The following SCP2 variants were observed in gnomAD, a reference collection of about 807,000 sequenced individuals.
SCP2 encodes sterol carrier protein 2, also known as SCP-2/3-oxoacyl-CoA thiolase.
In SCP2, 48 loss-of-function variants were observed where a neutral mutation model predicts 71.4. The ratio of observed to expected loss-of-function variants is 0.67; its 90% CI spans 0.53 to 0.86. The LOEUF (loss-of-function observed/expected upper bound fraction) is 0.86, where lower values mean the gene tolerates loss of function less well. SCP2 is among the 40% of genes least tolerant of loss of function. SCP2 has a pLI of 0.00. For missense variants in SCP2, 560 were observed against 655.6 expected, an observed-to-expected ratio of 0.85 and a Z score of 1.59; for synonymous variants, 220 against 218.1, an observed-to-expected ratio of 1.01 and a Z score of -0.08.
chr1:52,937,246 A>T (rs1306212401), intron 1 of SCP2, among the ~76,000 whole-genome samples: 1 of 152,238 alleles, frequency 6.6e-6, no homozygotes, highest in Non-Finnish European at 1.5e-5. Flanking sequence ...AACAAGAAAT[A>T]TCTGAAAGAA....
rs79253771 is a variant in SCP2, at chr1:53,035,675, A to G, written c.1339-3242A>G. On this transcript the variant is annotated intron_variant, in intron 13 of 15. Coordinates refer to ENST00000371514, the MANE Select transcript of SCP2 (RefSeq NM_002979.5). ...GATTTGCTGTGTCAGAGTAAAGTGT[A>G]TTATAAAGCTATAATATTGGCACAG... Among the ~76,000 whole-genome samples the G allele has an allele frequency of 3.8e-3, 584 of 152,196 alleles. 4 individuals are homozygous for G. The highest frequency in any genetic ancestry group is 0.014 in the African/African-American group (561 of 41,486).
chr1:52,941,928 G>A, intron 2 of SCP2, 75 bp downstream of exon 2: 1 of 1,079,236 alleles, frequency 9.3e-7, no homozygotes, highest in Non-Finnish European at 1.4e-6. Flanking sequence ...GGATGGGGCA[G>A]CCTTGCAAGC....
At position 52,993,509 on chromosome 1, in the gene SCP2, A is replaced by C. The variant is rs17107531; in HGVS notation, c.1081+5373A>C. 4,833 of 1,612,690 alleles carry C rather than the reference A, an allele frequency of 3.0e-3. 126 individuals carry two copies. The African/African-American group carries it at 0.055, about 18-fold the overall frequency. On this transcript the variant is annotated intron_variant, in intron 11 of 15. Coordinates refer to ENST00000371514, the MANE Select transcript of SCP2 (RefSeq NM_002979.5). ...TCTTTGAAACTTATAGATTTCTTCAAAACTGCCTCTATCTGTGACTGAAAA... is the reference window on the plus strand; with the variant it reads ...TCTTTGAAACTTATAGATTTCTTCACAACTGCCTCTATCTGTGACTGAAAA...
At chr1:52,998,561 T>G (rs190226164) in intron 11 of SCP2, among the ~76,000 whole-genome samples, 125 of 152,234 alleles carry the variant, frequency 8.2e-4, no homozygotes, top group African/African-American at 2.9e-3. Flanking sequence ...TGAAACCCCA[T>G]CTCTACAAAA....
intron 1 of SCP2, among the ~76,000 whole-genome samples, chr1:52,936,175 T>C (rs1653726633): frequency 1.3e-5 from 2 of 152,250 alleles, no homozygotes; most frequent in South Asian, 4.1e-4. Context: ...TTCATAGAAA[T>C]TATTTATGTT....
chr1:53,030,908 TA>T (rs59298380), intron 13 of SCP2, among the ~76,000 whole-genome samples: 21,384 of 75,930 alleles, frequency 0.28, 3,264 homozygotes, highest in African/African-American at 0.5. Context: ...TCAAAAAAAT[TA>T]AAAAAAAAAA....
chr1:52,954,602 G>T lies in SCP2; in HGVS notation c.332-138G>T. ...TGACCTCAAGCAGTTTATCTGCTTT[G>T]ATCTCCCAAACTGATGGGACTATAA... On this transcript the variant is annotated intron_variant, in intron 4 of 15. Coordinates refer to ENST00000371514, the MANE Select transcript of SCP2 (RefSeq NM_002979.5). 3 of 753,360 alleles carry T rather than the reference G, an allele frequency of 4.0e-6. No individual in the cohort carries two copies. In the Admixed American group the frequency reaches 5.8e-5, roughly 15 times the overall value. The allele number at this position is 753,360 out of a possible 1,614,324, so 46.7% of individuals were successfully genotyped here. A position where few individuals can be genotyped will look rare whatever the true frequency, so the allele number is the denominator to read the frequency against.
At chr1:52,969,146 T>A (rs977953384) in intron 6 of SCP2, among the ~76,000 whole-genome samples, 1 of 151,246 alleles carries the variant, frequency 6.6e-6, no homozygotes, top group Non-Finnish European at 1.5e-5. Flanking sequence ...GAGGCAGGCA[T>A]ACTTGATGTA....
intron 7 of SCP2, 123 bp downstream of exon 7, chr1:52,974,955 T>C: frequency 1.5e-6 from 1 of 684,656 alleles, no homozygotes; most frequent in South Asian, 1.6e-5. Flanking sequence ...TTTTATTTTT[T>C]TCTTACAAAA....
chr1:52,941,888 A>G, intron 2 of SCP2, 35 bp downstream of exon 2: 5 of 1,466,648 alleles, frequency 3.4e-6, no homozygotes, highest in Non-Finnish European at 4.8e-6. Context: ...GAACATTCAT[A>G]GTTTATTATG....
chr1:52,985,733 G>T (rs1163862627), intron 10 of SCP2, among the ~76,000 whole-genome samples: 1 of 152,034 alleles, frequency 6.6e-6, no homozygotes, highest in African/African-American at 2.4e-5. Flanking sequence ...AGCCACATTG[G>T]CTTCCTTCTT....
chr1:53,028,809 T>C (rs1305512986), intron 13 of SCP2, among the ~76,000 whole-genome samples: 1 of 152,192 alleles, frequency 6.6e-6, no homozygotes, highest in African/African-American at 2.4e-5. Flanking sequence ...AGTGTCTTGC[T>C]CTGTCACCCA....
chr1:52,962,361 C>T (rs919831031), intron 6 of SCP2, among the ~76,000 whole-genome samples: 4 of 152,104 alleles, frequency 2.6e-5, no homozygotes, highest in Admixed American at 6.6e-5. Flanking sequence ...GGCATAATTT[C>T]GCACCTGAAA....
At chr1:52,993,963 A>G (rs1659740197) in intron 11 of SCP2, 1 of 1,309,742 alleles carries the variant, frequency 7.6e-7, no homozygotes, top group Non-Finnish European at 9.8e-7. Context: ...TTTAATAGAA[A>G]TACAAATACA....
intron 12 of SCP2, among the ~76,000 whole-genome samples, chr1:53,026,383 T>G (rs2150243771): frequency 6.6e-6 from 1 of 152,370 alleles, no homozygotes; most frequent in South Asian, 2.1e-4. Context: ...TATTTTGTGT[T>G]TACTTCTTTT....
At chr1:53,024,304 CA>C (rs1381559750) in intron 12 of SCP2, among the ~76,000 whole-genome samples, 1 of 151,936 alleles carries the variant, frequency 6.6e-6, no homozygotes, top group African/African-American at 2.4e-5. Flanking sequence ...GGGTTGGAAG[CA>C]GGGGGGAGTG....
chr1:52,948,154 A>T, intron 3 of SCP2, 74 bp downstream of exon 3: 2 of 918,884 alleles, frequency 2.2e-6, no homozygotes, highest in Non-Finnish European at 1.8e-6. Context: ...ATGCGGAGGC[A>T]TTTGTGAATT....
chr1:52,994,849 C>G (rs1176105278), intron 11 of SCP2: 2 of 508,446 alleles, frequency 3.9e-6, no homozygotes, highest in Non-Finnish European at 7.8e-6. Flanking sequence ...GGACAGCGAC[C>G]TGCAGCTGGA....
intron 2 of SCP2, 43 bp from the exon 3 acceptor site, chr1:52,947,966 A>C: frequency 7.3e-7 from 1 of 1,376,104 alleles, no homozygotes; most frequent in South Asian, 1.2e-5. Flanking sequence ...TCCTAAAACA[A>C]ATACTTAAAG....
Sources: allele counts gnomAD v4.1 joint callset (sites outside exome capture counted in the v4.1 genomes callset), GRCh38; gene constraint gnomAD v4.1.1; transcripts MANE v1.5; gene names NCBI Gene and HGNC (gene_info 2026-07-23, HGNC 2026-07-21).